Variants in PVT1 observed in about 807,000 individuals in gnomAD.
PVT1 encodes the protein CXCR4/PVT1 fusion.
intron 2 of PVT1, among the ~76,000 whole-genome samples, chr8:127,825,751 A>T (rs746788878): frequency 5.3e-5 from 8 of 152,170 alleles, no homozygotes; most frequent in Non-Finnish European, 1.0e-4. Context: ...TGCTCAGTAC[A>T]TACCTTCTTC....
chr8:127,889,039 TCTTCCTTCCTTC>T (rs1201472699), intron 2 of PVT1, among the ~76,000 whole-genome samples: 2 of 82,580 alleles, frequency 2.4e-5, no homozygotes, highest in East Asian at 5.4e-4. Flanking sequence ...TCTCTTTCTT[TCTTCCTTCCTTC>T]CTTCCTTCCT....
At position 128,075,156 on chromosome 8, in the gene PVT1, C is replaced by G. The variant is rs184957508; in HGVS notation, n.1114+4795C>G. On this transcript the variant is annotated intron_variant and non_coding_transcript_variant, in intron 5 of 10. Transcript: ENST00000651587. Reference sequence around the variant, plus strand: ...ACTCTTTTTTTTTCAAGATGGCAGGCCTTGGCAGAATTGACTGGAGACTCT... The same window carrying G: ...ACTCTTTTTTTTTCAAGATGGCAGGGCTTGGCAGAATTGACTGGAGACTCT... Among the ~76,000 whole-genome samples the G allele has an allele frequency of 3.9e-4, 59 of 151,996 alleles. 1 individual carries two copies. The highest frequency in any genetic ancestry group is 3.7e-3 in the Admixed American group (57 of 15,268).
intron 2 of PVT1, among the ~76,000 whole-genome samples, chr8:127,801,273 G>T (rs1422308329): frequency 1.3e-5 from 2 of 152,180 alleles, no homozygotes; most frequent in Non-Finnish European, 2.9e-5. Flanking sequence ...GCAGAGTCTT[G>T]CTCTGTTGCC....
intron 4 of PVT1, among the ~76,000 whole-genome samples, chr8:128,039,442 T>C (rs1813505838): frequency 6.6e-6 from 1 of 152,224 alleles, no homozygotes; most frequent in Non-Finnish European, 1.5e-5. Flanking sequence ...CTTAAGTTAA[T>C]GCCCTAAAGT....
chr8:127,967,317 G>C (rs933862585), intron 3 of PVT1, among the ~76,000 whole-genome samples: 1 of 152,026 alleles, frequency 6.6e-6, no homozygotes, highest in Middle Eastern at 3.4e-3. Context: ...CTTCTGGGGG[G>C]CTTAGAGAAG....
intron 4 of PVT1, among the ~76,000 whole-genome samples, chr8:128,006,669 C>T (rs6470598): frequency 0.84 from 127,253 of 152,210 alleles, 53,355 homozygotes; most frequent in East Asian, 0.89. Flanking sequence ...CATCATTACT[C>T]CTACATTTGT....
At chr8:127,903,969 T>C (rs1377059092) in intron 3 of PVT1, among the ~76,000 whole-genome samples, 1 of 152,246 alleles carries the variant, frequency 6.6e-6, no homozygotes, top group Non-Finnish European at 1.5e-5. Flanking sequence ...AAAAATGATG[T>C]TGATAGTTTG....
At chr8:128,083,293 G>A (rs1398245511) in intron 5 of PVT1, among the ~76,000 whole-genome samples, 5 of 152,216 alleles carry the variant, frequency 3.3e-5, no homozygotes, top group African/African-American at 4.8e-5. Context: ...GTAATTGGCT[G>A]CAGATGTGCT....
At chr8:127,827,521 C>G (rs998844533) in intron 2 of PVT1, among the ~76,000 whole-genome samples, 1 of 152,272 alleles carries the variant, frequency 6.6e-6, no homozygotes, top group East Asian at 1.9e-4. Flanking sequence ...TAACCAGCCC[C>G]CTTCACGGTC....
intron 3 of PVT1, among the ~76,000 whole-genome samples, chr8:127,987,474 T>G (rs1020855386): frequency 6.6e-6 from 1 of 152,222 alleles, no homozygotes; most frequent in Non-Finnish European, 1.5e-5. Flanking sequence ...GGGAGGCCTT[T>G]TCATTTCCTC....
intron 3 of PVT1, among the ~76,000 whole-genome samples, chr8:127,982,069 C>T (rs528407594): frequency 5.7e-4 from 87 of 152,306 alleles, no homozygotes; most frequent in African/African-American, 1.8e-3. Flanking sequence ...AGGTCTTGGG[C>T]GCCTTTTGTG....
chr8:127,802,480 T>A (rs1814475835), intron 2 of PVT1, among the ~76,000 whole-genome samples: 2 of 152,334 alleles, frequency 1.3e-5, no homozygotes, highest in South Asian at 4.1e-4. Context: ...CCTCCTATAG[T>A]TCTAGGGTTA....
intron 2 of PVT1, among the ~76,000 whole-genome samples, chr8:127,833,922 C>G (rs1386470141): frequency 1.3e-5 from 2 of 152,178 alleles, no homozygotes; most frequent in Admixed American, 1.3e-4. Context: ...GACAGCTGGA[C>G]CCCTCCCTAG....
chr8:127,823,333 A>G (rs76119895), intron 2 of PVT1, among the ~76,000 whole-genome samples: 5,097 of 152,318 alleles, frequency 0.033, 140 homozygotes, highest in African/African-American at 0.068. Flanking sequence ...AAAGAGAAGG[A>G]TAGGAGCTTA....
intron 4 of PVT1, among the ~76,000 whole-genome samples, chr8:127,993,118 T>C (rs1389717685): frequency 6.6e-6 from 1 of 152,258 alleles, no homozygotes; most frequent in Non-Finnish European, 1.5e-5. Context: ...GCATTGCAAT[T>C]GCCCTGGAGT....
At chr8:127,837,341 G>T (rs868607664) in intron 2 of PVT1, among the ~76,000 whole-genome samples, 1 of 151,798 alleles carries the variant, frequency 6.6e-6, no homozygotes, top group East Asian at 1.9e-4. Context: ...AAGGCCGGGG[G>T]TGGGCCTCAG....
chr8:127,816,459 T>G (rs976176551), intron 2 of PVT1, among the ~76,000 whole-genome samples: 15 of 151,188 alleles, frequency 9.9e-5, no homozygotes, highest in Non-Finnish European at 2.1e-4. Flanking sequence ...ACTCTTATCT[T>G]GAATGTTGAT....
chr8:127,813,985 G>A (rs996183981), intron 2 of PVT1, among the ~76,000 whole-genome samples: 6 of 152,208 alleles, frequency 3.9e-5, no homozygotes, highest in African/African-American at 1.2e-4. Flanking sequence ...GTTTCGCTAT[G>A]TTGGCCAGGC....
rs151144033 is a variant in PVT1, at chr8:127,950,878, A to G, written n.783-38284A>G. 4.4e-3 allele frequency among the ~76,000 whole-genome samples: 673 copies of G among 152,298 alleles called. 13 individuals carry two copies. The highest frequency in any genetic ancestry group is 3.6e-3 in the Non-Finnish European group (243 of 68,022). The stretch of plus-strand genomic sequence containing the variant: ...TTATCTCACTCCATTGGGCAATCAT[A>G]TGGGAATGCAAGCCACTGTCTTTTC... On this transcript the variant is annotated intron_variant and non_coding_transcript_variant, in intron 3 of 10. Transcript: ENST00000651587.
Sources: gnomAD v4.1 joint callset for allele counts (sites outside exome capture counted in the v4.1 genomes callset) on GRCh38, gnomAD v4.1.1 for gene constraint, MANE v1.5 for transcripts, NCBI Gene and HGNC (gene_info 2026-07-23, HGNC 2026-07-21) for gene names.